ZNF714: variants seen among roughly 807,000 people sequenced by gnomAD.
The protein encoded by ZNF714 is zinc finger protein 714.
ZNF714 carries 32 observed loss-of-function variants against 46.2 expected under a neutral mutation model. The ratio of observed to expected loss-of-function variants is 0.69; its 90% CI spans 0.52 to 0.93. The LOEUF (loss-of-function observed/expected upper bound fraction) is 0.93, where lower values mean the gene tolerates loss of function less well. Among genes scored for constraint, ZNF714 ranks in the 40% least tolerant of loss-of-function variants. ZNF714 has a pLI of 0.00. For missense variants in ZNF714, 635 were observed against 646.3 expected (o/e 0.98, Z 0.19); for synonymous variants, 199 against 213.1 (o/e 0.93, Z 0.58).
chr19:21,090,086 A>G (rs1306770704), intron 2 of ZNF714, among the ~76,000 whole-genome samples: 1 of 152,266 alleles, frequency 6.6e-6, no homozygotes, highest in Non-Finnish European at 1.5e-5. Context: ...AACCAATATC[A>G]AATGCAACTC....
chr19:21,096,899 C>G (rs1281704696), intron 2 of ZNF714, among the ~76,000 whole-genome samples: 1 of 152,090 alleles, frequency 6.6e-6, no homozygotes, highest in African/African-American at 2.4e-5. Context: ...CAGAGTCTCG[C>G]TCTGTTGCCC....
intron 4 of ZNF714, among the ~76,000 whole-genome samples, chr19:21,105,422 A>G (rs983549252): frequency 1.3e-5 from 2 of 152,070 alleles, no homozygotes; most frequent in African/African-American, 4.8e-5. Flanking sequence ...TGAGTTCCAT[A>G]TATTTTCACC....
At chr19:21,107,904 A>G (rs918845944) in intron 4 of ZNF714, among the ~76,000 whole-genome samples, 3 of 152,174 alleles carry the variant, frequency 2.0e-5, no homozygotes, top group Non-Finnish European at 2.9e-5. Context: ...GTCAGAAAAC[A>G]AAGTGTATGA....
chr19:21,084,808 A>AT (rs1968737090), intron 2 of ZNF714, among the ~76,000 whole-genome samples: 3 of 146,732 alleles, frequency 2.0e-5, no homozygotes, highest in South Asian at 4.3e-4. Flanking sequence ...GGTTCAAGTG[A>AT]TTTTCCTGCC....
chr19:21,117,928 G>A lies in ZNF714; in HGVS notation c.1264G>A (p.Glu422Lys), dbSNP rs1969639354. The A allele has an allele frequency of 6.2e-7, 1 of 1,612,854 alleles. No homozygotes were observed. Among genetic ancestry groups the A allele is most frequent in the Admixed American group, 1.7e-5 (1 of 59,952 alleles). ...LTKHKIIHTGEKLYKCEECGK... is the reference protein window; with the variant it reads ...LTKHKIIHTGKKLYKCEECGK... ...CAAACATAAGATAATTCATACTGGA[G>A]AGAAACTCTACAAATGTGAAGAATG... is the stretch of plus-strand genomic sequence containing the variant. The change falls in exon 5 of 5, where the codon GAG becomes AAG. Residue 422 changes from glutamate to lysine, a missense_variant. Transcript: ENST00000456283.
chr19:21,104,608 A>T (rs560277348), intron 4 of ZNF714, among the ~76,000 whole-genome samples: 1 of 150,780 alleles, frequency 6.6e-6, no homozygotes, highest in Non-Finnish European at 1.5e-5. Flanking sequence ...ATTTATTTAT[A>T]TATTTATTTA....
intron 2 of ZNF714, among the ~76,000 whole-genome samples, chr19:21,097,423 T>C (rs779853128): frequency 5.9e-5 from 9 of 152,216 alleles, no homozygotes; most frequent in Non-Finnish European, 8.8e-5. Context: ...AAATTTATTC[T>C]AGTGTTGTTG....
chr19:21,110,378 C>T (rs1969424967), intron 4 of ZNF714, among the ~76,000 whole-genome samples: 1 of 152,090 alleles, frequency 6.6e-6, no homozygotes, highest in South Asian at 2.1e-4. Flanking sequence ...GTTTTATTGG[C>T]CACATAAATG....
intron 1 of ZNF714, 26 bp downstream of exon 1, chr19:21,082,374 G>T: frequency 6.9e-7 from 1 of 1,456,148 alleles, no homozygotes; most frequent in South Asian, 1.1e-5. Flanking sequence ...CCGACATCCC[G>T]AGAGAGGGGA....
At chr19:21,092,898 A>G (rs1236584488) in intron 2 of ZNF714, among the ~76,000 whole-genome samples, 1 of 141,516 alleles carries the variant, frequency 7.1e-6, no homozygotes, top group Non-Finnish European at 1.5e-5. Context: ...TGCTGCAAAT[A>G]ACTTAAACTT....
intron 4 of ZNF714, among the ~76,000 whole-genome samples, chr19:21,103,798 A>T (rs1969245016): frequency 6.6e-6 from 1 of 151,968 alleles, no homozygotes; most frequent in Non-Finnish European, 1.5e-5. Context: ...TGGGAGATTG[A>T]GGGGAGGATT....
Position 21,098,248 on chromosome 19 carries a change from C to G in ZNF714, c.-21C>G. On this transcript the variant is annotated 5_prime_UTR_variant, in exon 3 of 5. Coordinates refer to ENST00000456283, the MANE Select transcript of ZNF714 (RefSeq NM_182515.4). Reference sequence around the variant, plus strand: ...TCTGGAGGAGTGGGAATGCCTGAACCCTGCTCAGCAGAATTTATATATGAA... The same window carrying G: ...TCTGGAGGAGTGGGAATGCCTGAACGCTGCTCAGCAGAATTTATATATGAA... 1 of 1,612,264 alleles carries G rather than the reference C, an allele frequency of 6.2e-7. No individual in the cohort carries two copies.
Position 21,117,528 on chromosome 19 carries a change from A to G in ZNF714, c.864A>G (p.Glu288=). The G allele has an allele frequency of 1.2e-6, 2 of 1,607,068 alleles. No homozygotes were observed. The highest frequency in any genetic ancestry group is 1.7e-6 in the Non-Finnish European group (2 of 1,176,144). The change falls in exon 5 of 5, where the codon GAA becomes GAG. Residue 288 remains glutamate (E), a synonymous_variant. Coordinates refer to ENST00000456283, the MANE Select transcript of ZNF714 (RefSeq NM_182515.4). ...IHVKEKPYKC[E]ECDKAFNRFS... ...TTAAAGAAAAACCCTACAAATGTGA[A>G]GAATGTGACAAAGCTTTTAACCGAT...
At position 21,108,451 on chromosome 19, in the gene ZNF714, C is replaced by T. The variant is rs573368717; in HGVS notation, c.143-8356C>T. Among the ~76,000 whole-genome samples, 55 of 152,284 alleles carry T rather than the reference C, an allele frequency of 3.6e-4. 1 individual carries two copies. Among genetic ancestry groups the T allele is most frequent in the Admixed American group, 2.6e-4 (4 of 15,294 alleles). On this transcript the variant is annotated intron_variant, in intron 4 of 4. Transcript: ENST00000456283. ...GAAACCTGGTGGGAGGTGTTTGGGT[C>T]ATGGGGACAAATTCTTCATGAATGC...
intron 4 of ZNF714, among the ~76,000 whole-genome samples, chr19:21,101,438 A>C (rs1969177711): frequency 6.6e-6 from 1 of 152,174 alleles, no homozygotes; most frequent in African/African-American, 2.4e-5. Context: ...ATTTTTGGAC[A>C]GATTATTCTT....
At chr19:21,104,228 CTT>C (rs964529536) in intron 4 of ZNF714, among the ~76,000 whole-genome samples, 2 of 72,248 alleles carry the variant, frequency 2.8e-5, no homozygotes, top group African/African-American at 6.6e-5. Flanking sequence ...ATTTGATAAT[CTT>C]TGATTTCTGT....
At chr19:21,089,757 A>G (rs1968863705) in intron 2 of ZNF714, among the ~76,000 whole-genome samples, 1 of 151,844 alleles carries the variant, frequency 6.6e-6, no homozygotes. Context: ...AGAGTACAAC[A>G]GATTTGTTAC....
chr19:21,116,821 T>C lies in ZNF714; in HGVS notation c.157T>C (p.Phe53Leu), dbSNP rs1483466535. ...ATTTCTTTCAGCTATGTGTTCTTCT[T>C]TTACCAGAGACCTTTGGCCAGAGCA... ...VDESPAMCSS[F>L]TRDLWPEQDI... is the part of the protein sequence containing the mutation. The change falls in exon 5 of 5, where the codon TTT becomes CTT. Residue 53 changes from phenylalanine (F) to leucine (L), a missense_variant. Phe to Leu is a conservative substitution (Grantham distance 22). Coordinates refer to ENST00000456283, the MANE Select transcript of ZNF714 (RefSeq NM_182515.4). 1 of 1,593,110 alleles carries C rather than the reference T, an allele frequency of 6.3e-7. No individual in the cohort carries two copies. Among genetic ancestry groups the C allele is most frequent in the Non-Finnish European group, 8.5e-7 (1 of 1,173,918 alleles).
chr19:21,089,675 C>G (rs993028397), intron 2 of ZNF714, among the ~76,000 whole-genome samples: 1 of 152,172 alleles, frequency 6.6e-6, no homozygotes, highest in African/African-American at 2.4e-5. Flanking sequence ...CTTAAAGGGT[C>G]CTAGGCCTGC....
Sources: allele counts gnomAD v4.1 joint callset (sites outside exome capture counted in the v4.1 genomes callset), GRCh38; gene constraint gnomAD v4.1.1; transcripts MANE v1.5; gene names NCBI Gene and HGNC (gene_info 2026-07-23, HGNC 2026-07-21).